ACTA2: variants seen among roughly 807,000 people sequenced by gnomAD.
ACTA2 encodes actin, aortic smooth muscle.
ACTA2 carries 12 observed loss-of-function variants against 39.5 expected under a neutral mutation model. The ratio of observed to expected loss-of-function variants is 0.30; its 90% confidence interval spans 0.19 to 0.49. The LOEUF (loss-of-function observed/expected upper bound fraction) is 0.49, where lower values mean the gene tolerates loss of function less well. Among genes scored for constraint, ACTA2 ranks in the 20% least tolerant of loss-of-function variants. The pLI is 0.99. For synonymous variants in ACTA2, 158 were observed against 180.6 expected, an observed-to-expected ratio of 0.88 and a Z score of 1.00; for missense variants, 236 against 498.8, an observed-to-expected ratio of 0.47 and a Z score of 5.02.
chr10:88,959,148 T>C (rs2133294999), intron 1 of ACTA2, among the ~76,000 whole-genome samples: 1 of 152,374 alleles, frequency 6.6e-6, no homozygotes, highest in East Asian at 1.9e-4. Flanking sequence ...GAAATGTCTA[T>C]AGGCTTTTTA....
Position 88,941,195 on chromosome 10 carries a change from C to T in ACTA2, c.616+34G>A, listed in dbSNP as rs757491338. The stretch of plus-strand genomic sequence containing the variant: ...CTGGAAGTTACTGAGCAACACACTG[C>T]TCCCCTCTCCCCCTTATCTCCCACA... On this transcript the variant is annotated intron_variant, in intron 6 of 8. Transcript: ENST00000224784. The T allele has an allele frequency of 2.5e-6, 4 of 1,613,002 alleles. No homozygotes were observed. In the South Asian group the frequency reaches 4.4e-5, roughly 18 times the overall value.
rs541556144 is a variant in ACTA2, at chr10:88,951,677, C to T, written c.-24+1054G>A. On this transcript the variant is annotated intron_variant, in intron 1 of 8. Transcript: ENST00000224784. ...CAAAGCATTTCCTAATTAGGTAAAACACGCTCGAGTGTCTGCTTTTGGAAC... is the reference window on the plus strand; with the variant it reads ...CAAAGCATTTCCTAATTAGGTAAAATACGCTCGAGTGTCTGCTTTTGGAAC... 3.3e-5 allele frequency among the ~76,000 whole-genome samples: 5 copies of T among 152,266 alleles called. No individual in the cohort carries two copies. In the South Asian group the frequency reaches 8.3e-4, roughly 25 times the overall value.
chr10:88,940,851 G>C (rs955401357), intron 6 of ACTA2: 9 of 319,004 alleles, frequency 2.8e-5, no homozygotes, highest in African/African-American at 1.3e-4. Context: ...ACTTGTCCAA[G>C]CTCACAGAGC....
At chr10:88,947,520 T>G in intron 2 of ACTA2, 134 bp from the exon 3 acceptor site, 1 of 1,358,966 alleles carries the variant, frequency 7.4e-7, no homozygotes, top group Non-Finnish European at 1.0e-6. Context: ...ACATATTGAG[T>G]CTCATTGCCA....
rs1847129696 is a variant in ACTA2 at position 88,990,823 on chromosome 10, C to G, written c.-24+116G>C. ...CTCTTCTCCCGCGGGTTGGTGGACC[C>G]GCTCAGTACGGAGTTGGGGAAGCTC... On this transcript the variant is annotated intron_variant, in intron 1 of 4. Transcript: ENST00000415557. This position sits in a 1 kb window ranked among gnomAD's most constrained non-coding sequence, Gnocchi z 4.9. 1.9e-6 allele frequency: 3 copies of G among 1,613,474 alleles called. No homozygotes were observed. The highest frequency in any genetic ancestry group is 2.5e-6 in the Non-Finnish European group (3 of 1,179,548).
chr10:88,983,609 CAAAAAAAAAA>C (rs71022549), intron 1 of ACTA2, among the ~76,000 whole-genome samples: 13 of 46,452 alleles, frequency 2.8e-4, no homozygotes, highest in South Asian at 1.1e-3. Flanking sequence ...ACAGGTTATG[CAAAAAAAAAA>C]AAAAAAAAAA....
intron 1 of ACTA2, among the ~76,000 whole-genome samples, chr10:88,977,243 C>T (rs1351289123): frequency 6.6e-6 from 1 of 151,538 alleles, no homozygotes; most frequent in East Asian, 1.9e-4. Context: ...TTGCCCATGC[C>T]TATGTCCTGA....
chr10:88,973,177 T>C (rs1311154207), intron 1 of ACTA2: 2 of 1,612,000 alleles, frequency 1.2e-6, no homozygotes, highest in Non-Finnish European at 1.7e-6. Context: ...CTGTGTGACC[T>C]ATAGATTCAG....
intron 1 of ACTA2, among the ~76,000 whole-genome samples, chr10:88,982,341 T>C (rs980893594): frequency 2.6e-5 from 4 of 152,236 alleles, no homozygotes; most frequent in Non-Finnish European, 4.4e-5. Flanking sequence ...AATTAAAAGT[T>C]GCATGTGTAT....
chr10:88,962,927 AT>A lies in ACTA2; in HGVS notation c.-23-13975del, dbSNP rs1846252843. Among the ~76,000 whole-genome samples, 3 of 4,426 alleles carry A rather than the reference AT, an allele frequency of 6.8e-4. No homozygotes were observed. In the African/African-American group the frequency reaches 8.2e-3, roughly 12 times the overall value. The allele number at this position is 4,426 out of a possible 152,430, so 2.9% of individuals were successfully genotyped here. On this transcript the variant is annotated intron_variant, in intron 1 of 4. Coordinates refer to the ACTA2 transcript ENST00000415557. ...GGGAATGCCCCATATATATATATAT[AT>A]ATATATATATATATATATATATATA... is the stretch of plus-strand genomic sequence containing the variant.
At chr10:88,973,516 A>G (rs773679881) in intron 1 of ACTA2, 3 of 500,202 alleles carry the variant, frequency 6.0e-6, no homozygotes, top group Non-Finnish European at 9.5e-6. Flanking sequence ...GAGGCCAGGT[A>G]CCCTGTCACC....
Position 88,935,109 on chromosome 10 carries a change from C to G in ACTA2, c.*114G>C. 6.9e-7 allele frequency: 1 copy of G among 1,451,610 alleles called. No individual in the cohort carries two copies. Among genetic ancestry groups the G allele is most frequent in the East Asian group, 2.3e-5 (1 of 43,084 alleles). 89.9% of individuals were successfully genotyped at this position (1,451,610 alleles called of 1,614,324 possible). On this transcript the variant is annotated 3_prime_UTR_variant, in exon 9 of 9. Transcript: ENST00000224784. Reference sequence around the variant, plus strand: ...CCTATTTCAGATTTATTAAAAAACACATAGGTAACGAGTCAGAGCTTTGGC... The same window carrying G: ...CCTATTTCAGATTTATTAAAAAACAGATAGGTAACGAGTCAGAGCTTTGGC...
rs558788330 is a variant in ACTA2 at position 88,951,413 on chromosome 10, C to T, written c.-24+1318G>A. The stretch of plus-strand genomic sequence containing the variant: ...TAACTGTTTTGTTGGGCAGTGATGG[C>T]TTGGGAGGAGGGGTTGACTATACTC... On this transcript the variant is annotated intron_variant, in intron 1 of 8. Transcript: ENST00000224784. Among the ~76,000 whole-genome samples the T allele has an allele frequency of 1.4e-4, 22 of 151,908 alleles. No homozygotes were observed. In the South Asian group the frequency reaches 1.9e-3, roughly 13 times the overall value.
chr10:88,947,305 A>G lies in ACTA2; in HGVS notation c.211T>C (p.Tyr71His), dbSNP rs757701489. Residue 71 changes from tyrosine (Y) to histidine (H), a missense_variant, in exon 3 of 9, where the codon TAC (tyrosine) becomes CAC (histidine). Tyr to His is a moderately conservative substitution (Grantham distance 83). Transcript: ENST00000224784. Reference protein sequence around the residue: ...QSKRGILTLKYPIEHGIITNW... With the variant: ...QSKRGILTLKHPIEHGIITNW... The stretch of plus-strand genomic sequence containing the variant: ...GTGATGATGCCATGTTCTATCGGGT[A>G]CTTCAGGGTCAGGATTCCTCTTTTG... 1 of 1,613,894 alleles carries G rather than the reference A, an allele frequency of 6.2e-7. No homozygotes were observed. The highest frequency in any genetic ancestry group is 8.5e-7 in the Non-Finnish European group (1 of 1,179,880).
intron 8 of ACTA2, 166 bp from the exon 9 acceptor site, chr10:88,935,532 G>C (rs1273252497): frequency 1.1e-5 from 8 of 721,310 alleles, no homozygotes; most frequent in Non-Finnish European, 1.9e-5. Flanking sequence ...TCATGTTCTT[G>C]GCAGGACCGC....
At chr10:88,970,129 A>T (rs1356622288) in intron 1 of ACTA2, among the ~76,000 whole-genome samples, 3 of 152,184 alleles carry the variant, frequency 2.0e-5, no homozygotes, top group Non-Finnish European at 4.4e-5. Context: ...TTAATGTTAA[A>T]ATTCAGGATA....
chr10:88,959,220 T>C (rs1264203582), intron 1 of ACTA2, among the ~76,000 whole-genome samples: 4 of 152,184 alleles, frequency 2.6e-5, no homozygotes, highest in Non-Finnish European at 5.9e-5. Context: ...CTGACTTCCA[T>C]ATTGGACAGC....
rs777208799 is a variant in ACTA2 at position 88,941,346 on chromosome 10, TG to T, written c.498del (p.Ile167SerfsTer26). The T allele has an allele frequency of 6.2e-7, 1 of 1,613,840 alleles. No individual in the cohort carries two copies. The highest frequency in any genetic ancestry group is 8.5e-7 in the Non-Finnish European group (1 of 1,179,918). On this transcript the variant is annotated frameshift_variant, in exon 6 of 9. Transcript: ENST00000224784. LOFTEE classifies it high-confidence loss of function. ...TGGGGCAAGGCATAGCCCTCATAGATGGGGACATTGTGGGTGACACCATCTC... is the reference window on the plus strand; with the variant it reads ...TGGGGCAAGGCATAGCCCTCATAGATGGGACATTGTGGGTGACACCATCTC... ...DSGDGVTHNV[P>X]IYEGYALPHA...
chr10:88,948,584 A>C, intron 2 of ACTA2: 1 of 567,154 alleles, frequency 1.8e-6, no homozygotes. Context: ...AAGGACATGA[A>C]AAAGGGGCAG....
Sources: allele counts gnomAD v4.1 joint callset (sites outside exome capture counted in the v4.1 genomes callset), GRCh38; gene constraint gnomAD v4.1.1; non-coding constraint Gnocchi (gnomAD v3.1); transcripts MANE v1.5; gene names NCBI Gene and HGNC (gene_info 2026-07-23, HGNC 2026-07-21).